RNF150: variants seen among roughly 807,000 people sequenced by gnomAD.
The protein encoded by RNF150 is ring finger protein 150.
In RNF150, 24 loss-of-function variants were observed where a neutral mutation model predicts 39.3. The observed-to-expected ratio is 0.61, with a 90% CI of 0.44 to 0.86. RNF150 has a LOEUF of 0.86. RNF150 is among the 40% of genes least tolerant of loss of function. RNF150 has a pLI of 0.00. For missense variants in RNF150, 502 were observed against 587.8 expected, an observed-to-expected ratio of 0.85 and a Z score of 1.51; for synonymous variants, 255 against 227.3, an observed-to-expected ratio of 1.12 and a Z score of -1.10.
intron 1 of RNF150, among the ~76,000 whole-genome samples, chr4:141,106,119 T>G (rs1456238515): frequency 2.6e-5 from 4 of 152,242 alleles, no homozygotes; most frequent in Non-Finnish European, 5.9e-5. Context: ...AACTGCTTAT[T>G]TTAAAACATC....
Position 141,208,942 on chromosome 4 carries a change from G to A in RNF150, c.-6+3852C>T, listed in dbSNP as rs142255001. On this transcript the variant is annotated intron_variant, in intron 1 of 7. Coordinates refer to the RNF150 transcript ENST00000420921. ...TATTCATGGGACAACAGTGGCCAGAGCAGATACTATACATCCTGTAGGTTT... is the reference window on the plus strand; with the variant it reads ...TATTCATGGGACAACAGTGGCCAGAACAGATACTATACATCCTGTAGGTTT... Among the ~76,000 whole-genome samples the A allele has an allele frequency of 3.3e-5, 5 of 152,284 alleles. No individual in the cohort carries two copies. In the East Asian group the frequency reaches 9.6e-4, roughly 29 times the overall value.
At chr4:140,891,956 G>T (rs539779385) in intron 6 of RNF150, among the ~76,000 whole-genome samples, 1 of 152,008 alleles carries the variant, frequency 6.6e-6, no homozygotes, top group African/African-American at 2.4e-5. Flanking sequence ...GTTTCATCCC[G>T]AAAGCACCAC....
chr4:141,050,722 G>A (rs1459713629), intron 1 of RNF150, among the ~76,000 whole-genome samples: 2 of 152,210 alleles, frequency 1.3e-5, no homozygotes, highest in East Asian at 1.9e-4. Context: ...CCGCCCCTGT[G>A]GCTATGCAGT....
chr4:140,912,977 A>AAAAC (rs1221373572), intron 5 of RNF150, among the ~76,000 whole-genome samples: 1 of 151,856 alleles, frequency 6.6e-6, no homozygotes, highest in African/African-American at 2.4e-5. Flanking sequence ...AAAAAAAAAA[A>AAAAC]AAAAAAACAC....
chr4:141,185,733 G>A (rs1727995959), intron 1 of RNF150, among the ~76,000 whole-genome samples: 1 of 152,192 alleles, frequency 6.6e-6, no homozygotes, highest in Non-Finnish European at 1.5e-5. Context: ...AATGTGTTTA[G>A]CATGAAGGGG....
chr4:141,173,303 C>A (rs1238597988), intron 1 of RNF150, among the ~76,000 whole-genome samples: 1 of 152,116 alleles, frequency 6.6e-6, no homozygotes, highest in Non-Finnish European at 1.5e-5. Flanking sequence ...TAGTGGGTGT[C>A]TTTTATAAAG....
chr4:141,112,907 G>A (rs2111065432), intron 1 of RNF150, among the ~76,000 whole-genome samples: 1 of 151,142 alleles, frequency 6.6e-6, no homozygotes, highest in Non-Finnish European at 1.5e-5. Context: ...ATATTTCTTG[G>A]AGGCTTTGTT....
chr4:140,975,682 A>G (rs1460025333), intron 1 of RNF150, among the ~76,000 whole-genome samples: 1 of 152,012 alleles, frequency 6.6e-6, no homozygotes, highest in Non-Finnish European at 1.5e-5. Context: ...GCCTGATCCT[A>G]TTTTCTGGGG....
Position 140,865,537 on chromosome 4 carries a change from T to A in RNF150, c.*2724A>T, listed in dbSNP as rs1226239362. 6.6e-6 allele frequency: 1 copy of A among 151,186 alleles called. No homozygotes were observed. Among genetic ancestry groups the A allele is most frequent in the Non-Finnish European group, 1.5e-5 (1 of 67,838 alleles). The allele number at this position is 151,186 out of a possible 1,614,324, so 9.4% of individuals were successfully genotyped here. On this transcript the variant is annotated 3_prime_UTR_variant, in exon 7 of 7. Transcript: ENST00000515673. ...TCTTCTGAAAGAGAAACTTTCTGGT[T>A]AAGCTTTTTTTTTTTCTTTTTTTTT...
intron 1 of RNF150, among the ~76,000 whole-genome samples, chr4:140,999,666 G>A (rs903182699): frequency 3.3e-5 from 5 of 152,114 alleles, no homozygotes; most frequent in Admixed American, 6.5e-5. Flanking sequence ...CACGTGCGGC[G>A]GCTCACATCT....
chr4:141,196,056 T>A (rs543423961), intron 1 of RNF150, among the ~76,000 whole-genome samples: 1 of 152,178 alleles, frequency 6.6e-6, no homozygotes, highest in Non-Finnish European at 1.5e-5. Context: ...GTTTTGGAAG[T>A]GTAGCAAAAT....
upstream of RNF150, among the ~76,000 whole-genome samples, chr4:141,138,092 G>C (rs544215403): frequency 6.6e-6 from 1 of 152,148 alleles, no homozygotes; most frequent in Non-Finnish European, 1.5e-5. Flanking sequence ...CAACCTTGAC[G>C]CTGCTTTTGC....
Position 141,118,751 on chromosome 4 carries a change from T to C in RNF150, c.484+13574A>G, listed in dbSNP as rs368577522. Reference sequence around the variant, plus strand: ...TGAGATACGTGTTTTTCTGTTTGTTTGATTGAGTGAGTGATTGATTGATTT... The same window carrying C: ...TGAGATACGTGTTTTTCTGTTTGTTCGATTGAGTGAGTGATTGATTGATTT... On this transcript the variant is annotated intron_variant, in intron 1 of 6. Coordinates refer to ENST00000515673, the MANE Select transcript of RNF150 (RefSeq NM_020724.2). Among the ~76,000 whole-genome samples, 20 of 152,250 alleles carry C rather than the reference T, an allele frequency of 1.3e-4. No individual in the cohort carries two copies. In the East Asian group the frequency reaches 3.9e-3, roughly 29 times the overall value.
intron 1 of RNF150, among the ~76,000 whole-genome samples, chr4:141,089,259 A>G (rs1738483353): frequency 7.9e-6 from 1 of 127,324 alleles, no homozygotes; most frequent in Non-Finnish European, 1.6e-5. Context: ...GAATACGTCA[A>G]ATCAAGAGAT....
At chr4:141,093,044 T>TAGCC (rs1198116783) in intron 1 of RNF150, among the ~76,000 whole-genome samples, 2 of 151,968 alleles carry the variant, frequency 1.3e-5, no homozygotes, top group Admixed American at 6.6e-5. Flanking sequence ...AGACAAAGCC[T>TAGCC]AGGGGCTTTG....
At chr4:140,893,114 C>A (rs2111231196) in intron 6 of RNF150, among the ~76,000 whole-genome samples, 1 of 152,160 alleles carries the variant, frequency 6.6e-6, no homozygotes, top group Non-Finnish European at 1.5e-5. Flanking sequence ...CATGACCACC[C>A]CCCGGCCTTT....
chr4:140,931,123 A>G (rs1301767512), intron 4 of RNF150, among the ~76,000 whole-genome samples: 2 of 152,142 alleles, frequency 1.3e-5, no homozygotes, highest in East Asian at 3.9e-4. Context: ...TAATACTCAC[A>G]AAGCTTAAAA....
chr4:140,871,039 CTTTAT>C (rs1332006866), intron 6 of RNF150, among the ~76,000 whole-genome samples: 1 of 151,644 alleles, frequency 6.6e-6, no homozygotes, highest in African/African-American at 2.4e-5. Context: ...CACACACACA[CTTTAT>C]ACTTATGAGA....
chr4:140,922,426 C>T (rs1163248636), intron 5 of RNF150, among the ~76,000 whole-genome samples: 1 of 150,086 alleles, frequency 6.7e-6, no homozygotes, highest in African/African-American at 2.5e-5. Context: ...CGGGAAGGAC[C>T]TCTTCAAGGA....
Sources: gnomAD v4.1 joint callset for allele counts (sites outside exome capture counted in the v4.1 genomes callset) on GRCh38, gnomAD v4.1.1 for gene constraint, MANE v1.5 for transcripts, NCBI Gene and HGNC (gene_info 2026-07-23, HGNC 2026-07-21) for gene names.